MRPL21: variants seen among roughly 807,000 people sequenced by gnomAD.
MRPL21 encodes the protein mitochondrial ribosomal protein L21.
Under a neutral mutation model 27.3 loss-of-function variants are expected in MRPL21, and 20 were observed. The ratio of observed to expected loss-of-function variants is 0.73; its 90% CI spans 0.52 to 1.06. The LOEUF (loss-of-function observed/expected upper bound fraction) is 1.06, where lower values mean the gene tolerates loss of function less well. MRPL21 is among the 50% of genes least tolerant of loss of function. The pLI is 0.00. For synonymous variants in MRPL21, 98 were observed against 101.5 expected (o/e 0.97, Z 0.21); for missense variants, 249 against 251.4 (o/e 0.99, Z 0.06).
chr11:68,896,809 C>A (rs1186852123), intron 3 of MRPL21, 131 bp from the exon 4 acceptor site: 3 of 1,221,998 alleles, frequency 2.5e-6, no homozygotes, highest in Non-Finnish European at 3.5e-6. Flanking sequence ...GAGCACCTCA[C>A]TGCTGGCGGC....
intron 3 of MRPL21, chr11:68,896,930 A>T: frequency 7.2e-6 from 4 of 552,366 alleles, no homozygotes; most frequent in Non-Finnish European, 1.3e-5. Context: ...GAAGCTCCCC[A>T]AGACTGCAGA....
At chr11:68,900,098 C>T (rs1857897890) in intron 2 of MRPL21, among the ~76,000 whole-genome samples, 1 of 152,188 alleles carries the variant, frequency 6.6e-6, no homozygotes, top group Non-Finnish European at 1.5e-5. Flanking sequence ...AAAATGTTTT[C>T]TCAAGTATAA....
chr11:68,893,227 TG>T lies in MRPL21; in HGVS notation c.449+175del, dbSNP rs1857697799. On this transcript the variant is annotated intron_variant, in intron 5 of 6. Coordinates refer to ENST00000362034, the MANE Select transcript of MRPL21 (RefSeq NM_181514.2). ...ATGAAACAGCAAGAGACCAATAATT[TG>T]GTCTGGATGTTCTCATGGGCCCTAA... 1.9e-5 allele frequency: 27 copies of T among 1,420,800 alleles called. No homozygotes were observed. The South Asian group carries it at 3.7e-4, about 20-fold the overall frequency. 88.0% of individuals were successfully genotyped at this position (1,420,800 alleles called of 1,614,324 possible).
At chr11:68,898,136 G>C in intron 2 of MRPL21, 124 bp from the exon 3 acceptor site, 1 of 775,370 alleles carries the variant, frequency 1.3e-6, no homozygotes, top group Non-Finnish European at 2.2e-6. Context: ...CGCTCTTTCG[G>C]ACAGGCCCCG....
chr11:68,903,024 T>C (rs1397183319), intron 1 of MRPL21, among the ~76,000 whole-genome samples: 3 of 152,238 alleles, frequency 2.0e-5, no homozygotes, highest in Non-Finnish European at 4.4e-5. Context: ...CTACAGTTTA[T>C]GTAACCATTC....
intron 3 of MRPL21, 55 bp downstream of exon 3, chr11:68,897,872 C>T: frequency 7.2e-7 from 1 of 1,381,800 alleles, no homozygotes; most frequent in Non-Finnish European, 1.0e-6. Flanking sequence ...CTGTGGCTGA[C>T]TGGAGCAGGG....
chr11:68,897,166 G>A (rs567247377), intron 3 of MRPL21, among the ~76,000 whole-genome samples: 19 of 152,202 alleles, frequency 1.2e-4, no homozygotes, highest in Admixed American at 1.1e-3. Flanking sequence ...GGCAGGACGC[G>A]TTCCCCCTGC....
intron 3 of MRPL21, among the ~76,000 whole-genome samples, chr11:68,897,155 G>A (rs1401261813): frequency 8.5e-5 from 13 of 152,072 alleles, no homozygotes; most frequent in Admixed American, 7.9e-4. Context: ...CCCACCCCTG[G>A]GGCAGGACGC....
At chr11:68,902,195 TC>T (rs1857956795) in intron 1 of MRPL21, among the ~76,000 whole-genome samples, 1 of 152,238 alleles carries the variant, frequency 6.6e-6, no homozygotes, top group Non-Finnish European at 1.5e-5. Context: ...TCTACTCGCT[TC>T]ACTGTGTGTC....
At chr11:68,892,777 A>C in intron 6 of MRPL21, 113 bp downstream of exon 6, 1 of 1,546,332 alleles carries the variant, frequency 6.5e-7, no homozygotes, top group Non-Finnish European at 8.7e-7. Context: ...AGCCAGGTTG[A>C]GACCTGCCTG....
chr11:68,898,138 C>G (rs1857846773), intron 2 of MRPL21, 126 bp from the exon 3 acceptor site: 1 of 758,100 alleles, frequency 1.3e-6, no homozygotes, highest in South Asian at 1.6e-5. Flanking sequence ...CTCTTTCGGA[C>G]AGGCCCCGCC....
intron 3 of MRPL21, among the ~76,000 whole-genome samples, chr11:68,897,258 C>T (rs1857818192): frequency 1.3e-5 from 2 of 152,124 alleles, no homozygotes; most frequent in Non-Finnish European, 2.9e-5. Context: ...TCTTCTGCAC[C>T]GTTTACTCTG....
intron 4 of MRPL21, among the ~76,000 whole-genome samples, chr11:68,894,555 A>T (rs573267): frequency 0.59 from 89,946 of 152,062 alleles, 26,764 homozygotes; most frequent in South Asian, 0.67. Context: ...GTGCTGGGAT[A>T]ACAGGCGTGA....
chr11:68,897,817 G>A (rs1175764227), intron 3 of MRPL21, 110 bp downstream of exon 3: 4 of 763,494 alleles, frequency 5.2e-6, no homozygotes, highest in Non-Finnish European at 9.2e-6. Flanking sequence ...GTGTCTGGGA[G>A]CATCTGGAAA....
intron 6 of MRPL21, chr11:68,892,543 AGGG>A: frequency 3.6e-6 from 1 of 278,146 alleles, no homozygotes; most frequent in Non-Finnish European, 5.0e-6. Context: ...GTGGAGGAGA[AGGG>A]GAGCGAGGTG....
At chr11:68,894,058 C>G (rs941585927) in intron 4 of MRPL21, among the ~76,000 whole-genome samples, 8 of 152,002 alleles carry the variant, frequency 5.3e-5, no homozygotes, top group African/African-American at 1.4e-4. Flanking sequence ...AAAACAAAAC[C>G]CTTTCTATCA....
At chr11:68,896,912 C>T (rs1199999449) in intron 3 of MRPL21, 4 of 574,704 alleles carry the variant, frequency 7.0e-6, no homozygotes, top group Non-Finnish European at 1.2e-5. Context: ...ATGGGGCTTT[C>T]ACAGAAGGAA....
Position 68,891,323 on chromosome 11 carries a change from C to T in MRPL21, c.*8G>A. 1 of 1,613,628 alleles carries T rather than the reference C, an allele frequency of 6.2e-7. No individual in the cohort carries two copies. Among genetic ancestry groups the T allele is most frequent in the Non-Finnish European group, 8.5e-7 (1 of 1,179,608 alleles). ...ATTTTTATCCTTTTGTAAGTATTAACTCGGTAATCACAACAAACACGGAGC... is the reference window on the plus strand; with the variant it reads ...ATTTTTATCCTTTTGTAAGTATTAATTCGGTAATCACAACAAACACGGAGC... On this transcript the variant is annotated 3_prime_UTR_variant, in exon 7 of 7. Coordinates refer to ENST00000362034, the MANE Select transcript of MRPL21 (RefSeq NM_181514.2).
At chr11:68,903,286 A>G (rs1389949569) in intron 1 of MRPL21, among the ~76,000 whole-genome samples, 1 of 152,254 alleles carries the variant, frequency 6.6e-6, no homozygotes, top group African/African-American at 2.4e-5. Context: ...AGCGCCTTAA[A>G]TACGGCTGTT....
Sources: allele counts gnomAD v4.1 joint callset (sites outside exome capture counted in the v4.1 genomes callset), GRCh38; gene constraint gnomAD v4.1.1; transcripts MANE v1.5; gene names NCBI Gene and HGNC (gene_info 2026-07-23, HGNC 2026-07-21).